The following PRDM7 variants were observed in gnomAD, a reference collection of about 807,000 sequenced individuals.
PRDM7 encodes the protein histone-lysine N-methyltransferase PRDM7.
PRDM7 carries 52 observed loss-of-function variants against 64.3 expected under a neutral mutation model. The ratio of observed to expected loss-of-function variants is 0.81; its 90% CI spans 0.65 to 1.02. The LOEUF (loss-of-function observed/expected upper bound fraction) is 1.02, where lower values mean the gene tolerates loss of function less well. Among genes scored for constraint, PRDM7 ranks in the 50% least tolerant of loss-of-function variants. The pLI is 0.00. For synonymous variants in PRDM7, 192 were observed against 210.1 expected, an observed-to-expected ratio of 0.91 and a Z score of 0.74; for missense variants, 574 against 597.1, an observed-to-expected ratio of 0.96 and a Z score of 0.40.
rs142279840 is a variant in PRDM7 at position 90,058,418 on chromosome 16, C to A, written c.1350G>T (p.Leu450=). 1,188 of 1,614,158 alleles carry A rather than the reference C, an allele frequency of 7.4e-4. 8 individuals carry two copies. The African/African-American group carries it at 0.013, about 18-fold the overall frequency. ...TTCTCTGGTTGGAGAAGTTTTCTTG[C>A]AGATGGTCCTGGGAAGTTCTGAGAG... ...ITPLRTSQDH[L]QENFSNQRIP... The change falls in exon 11 of 11, where the codon CTG becomes CTT. Residue 450 remains leucine (L), a synonymous_variant. Coordinates refer to ENST00000449207, the MANE Select transcript of PRDM7 (RefSeq NM_001098173.2).
chr16:90,066,231 G>T (rs1307430394), intron 5 of PRDM7, among the ~76,000 whole-genome samples: 1 of 151,242 alleles, frequency 6.6e-6, no homozygotes, highest in Non-Finnish European at 1.5e-5. Context: ...ATCAGAATGG[G>T]TCCCTTATGA....
At chr16:90,064,950 C>T (rs777535199) in intron 5 of PRDM7, among the ~76,000 whole-genome samples, 1 of 150,794 alleles carries the variant, frequency 6.6e-6, no homozygotes, top group Non-Finnish European at 1.5e-5. Context: ...AACTCCTGAC[C>T]TCAGGTAATC....
intron 6 of PRDM7, among the ~76,000 whole-genome samples, chr16:90,063,197 G>C (rs907107548): frequency 1.3e-5 from 2 of 152,172 alleles, no homozygotes; most frequent in African/African-American, 4.8e-5. Flanking sequence ...TGTAATCCCA[G>C]CATTTTGGGA....
At chr16:90,066,986 A>C in intron 4 of PRDM7, 76 bp from the exon 5 acceptor site, 1 of 1,282,912 alleles carries the variant, frequency 7.8e-7, no homozygotes, top group South Asian at 1.2e-5. Flanking sequence ...TCTTTTTGAT[A>C]TGGAGTCTCC....
At chr16:90,064,319 C>G (rs1488291016) in intron 5 of PRDM7, among the ~76,000 whole-genome samples, 2 of 152,190 alleles carry the variant, frequency 1.3e-5, no homozygotes, top group Non-Finnish European at 2.9e-5. Context: ...AGTTCCTGTA[C>G]CAATTCTACT....
chr16:90,061,928 G>C lies in PRDM7; in HGVS notation c.875C>G (p.Ser292Cys), dbSNP rs750645023. ...ACAGCAGGCTCTTCTTACTAGCCAG[G>C]AATATCCACTGTTGGCTGCCTCTTC... ...EDEEAANSGY[S>C]WLITKGRNCY... Residue 292 changes from serine to cysteine, a missense_variant, in exon 8 of 11, where the codon TCC (serine) becomes TGC (cysteine). Coordinates refer to ENST00000449207, the MANE Select transcript of PRDM7 (RefSeq NM_001098173.2). 1.9e-6 allele frequency: 3 copies of C among 1,614,270 alleles called. No homozygotes were observed. Among genetic ancestry groups the C allele is most frequent in the South Asian group, 1.1e-5 (1 of 91,090 alleles).
In PRDM7 at chr16:90,060,602, A is replaced by G. The variant is rs1347275066; in HGVS notation, c.972T>C (p.Asp324=). 6.2e-7 allele frequency: 1 copy of G among 1,614,112 alleles called. No individual in the cohort carries two copies. The highest frequency in any genetic ancestry group is 8.5e-7 in the Non-Finnish European group (1 of 1,179,988). ...NWMRYVNCAR[D]DEEQNLVAFQ... is the part of the protein sequence containing the mutation. ...AGGCCACCAGGTTCTGCTCTTCATC[A>G]TCCCGGGCACAGTTCACATACCTGG... Residue 324 remains aspartate, a synonymous_variant, in exon 10 of 11, where the codon GAT becomes GAC. Transcript: ENST00000449207.
intron 1 of PRDM7, 139 bp from the exon 2 acceptor site, chr16:90,076,134 T>A: frequency 1.7e-6 from 1 of 576,748 alleles, no homozygotes; most frequent in South Asian, 2.1e-5. Context: ...CCCAGGGAGG[T>A]CTGGGGGTAC....
At position 90,057,688 on chromosome 16, in the gene PRDM7, A is replaced by C. The variant is rs374622430; in HGVS notation, c.*601T>G. ...GTCATGAAAGTGGCGGATTTGTTTA[A>C]TTAGTTATTTCCGATCTCTTTACAC... On this transcript the variant is annotated 3_prime_UTR_variant, in exon 11 of 11. Transcript: ENST00000449207. 4.8e-5 allele frequency: 56 copies of C among 1,167,876 alleles called. No individual in the cohort carries two copies. In the East Asian group the frequency reaches 1.8e-3, roughly 37 times the overall value. The allele number at this position is 1,167,876 out of a possible 1,614,324, so 72.3% of individuals were successfully genotyped here.
intron 5 of PRDM7, among the ~76,000 whole-genome samples, chr16:90,064,488 A>G (rs1053793706): frequency 6.6e-6 from 1 of 152,122 alleles, no homozygotes; most frequent in Non-Finnish European, 1.5e-5. Context: ...ATTTCAGCTC[A>G]CTGCAGCCTT....
intron 9 of PRDM7, among the ~76,000 whole-genome samples, chr16:90,061,239 G>C (rs2037771127): frequency 6.6e-6 from 1 of 152,058 alleles, no homozygotes; most frequent in African/African-American, 2.4e-5. Flanking sequence ...ATTTTGTCTA[G>C]CATACATATT....
rs2037789752 is a variant in PRDM7, at chr16:90,062,115, C to T, written c.688G>A (p.Val230Met). The change falls in exon 8 of 11, where the codon GTG becomes ATG. Residue 230 changes from valine to methionine, a missense_variant. By Grantham distance (21) the Val-to-Met change is conservative. Transcript: ENST00000449207. ...GAACGGTTGGGATGCCCCTTGTCCA[C>T]TGCACTGTCCTTTACAAATGTAGGG... ...GPPTFVKDSA[V>M]DKGHPNRSAL... is the part of the protein sequence containing the mutation. The T allele has an allele frequency of 1.2e-6, 2 of 1,614,156 alleles. No homozygotes were observed. Among genetic ancestry groups the T allele is most frequent in the Admixed American group, 1.7e-5 (1 of 60,012 alleles).
chr16:90,068,171 C>T (rs1236751780), intron 4 of PRDM7, among the ~76,000 whole-genome samples: 2 of 150,174 alleles, frequency 1.3e-5, no homozygotes, highest in African/African-American at 5.0e-5. Flanking sequence ...CCCAGCTACT[C>T]GGGAGGCTGA....
chr16:90,075,764 G>T lies in PRDM7; in HGVS notation c.69+78C>A. The T allele has an allele frequency of 6.5e-7, 1 of 1,534,856 alleles. No individual in the cohort carries two copies. Among genetic ancestry groups the T allele is most frequent in the Admixed American group, 1.8e-5 (1 of 54,426 alleles). Reference sequence around the variant, plus strand: ...TGCACATTCAGACAGAGTCACCCAAGGGTACAGGCCAGGAGTCTGCAGCAC... The same window carrying T: ...TGCACATTCAGACAGAGTCACCCAATGGTACAGGCCAGGAGTCTGCAGCAC... On this transcript the variant is annotated intron_variant, in intron 2 of 10. Transcript: ENST00000449207. This position sits in a 1 kb window ranked among gnomAD's most constrained non-coding sequence, Gnocchi z 4.3.
chr16:90,066,030 T>G (rs908105183), intron 5 of PRDM7, among the ~76,000 whole-genome samples: 1 of 151,192 alleles, frequency 6.6e-6, no homozygotes, highest in Non-Finnish European at 1.5e-5. Context: ...AACATGACAG[T>G]TCCCTAATTG....
chr16:90,058,266 C>T lies in PRDM7; in HGVS notation c.*23G>A. 6.2e-7 allele frequency: 1 copy of T among 1,614,166 alleles called. No individual in the cohort carries two copies. Among genetic ancestry groups the T allele is most frequent in the Non-Finnish European group, 8.5e-7 (1 of 1,180,000 alleles). On this transcript the variant is annotated 3_prime_UTR_variant, in exon 11 of 11. Coordinates refer to ENST00000449207, the MANE Select transcript of PRDM7 (RefSeq NM_001098173.2). ...GTGGGCTAGAAAAGGCCCTTGAAAT[C>T]TCCCTCTGCCATGTCCTTTTATTCA...
chr16:90,057,992 C>G lies in PRDM7; in HGVS notation c.*297G>C, dbSNP rs545070169. 1 of 1,605,230 alleles carries G rather than the reference C, an allele frequency of 6.2e-7. No homozygotes were observed. The highest frequency in any genetic ancestry group is 8.5e-7 in the Non-Finnish European group (1 of 1,174,296). ...CTGGTGACTGAGGAGGTCTGACTTCCGGCTAAAGCCCTCCCACACTCTCTG... is the reference window on the plus strand; with the variant it reads ...CTGGTGACTGAGGAGGTCTGACTTCGGGCTAAAGCCCTCCCACACTCTCTG... On this transcript the variant is annotated 3_prime_UTR_variant, in exon 11 of 11. Transcript: ENST00000449207.
intron 9 of PRDM7, 103 bp from the exon 10 acceptor site, chr16:90,060,726 A>T: frequency 6.5e-7 from 1 of 1,531,652 alleles, no homozygotes; most frequent in African/African-American, 1.4e-5. Flanking sequence ...TGCTGTGCCT[A>T]ATCAGCCATT....
rs201771894 is a variant in PRDM7 at position 90,060,546 on chromosome 16, G to A, written c.1028C>T (p.Thr343Ile). Reference protein sequence around the residue: ...FQYHRQIFYRTCRVIRPGCEL... With the variant: ...FQYHRQIFYRICRVIRPGCEL... ...ACAGCCTGGCCTAATGACTCGGCAG[G>A]TTCTATAGAAGATCTGCCTGTGGTA... The change falls in exon 10 of 11, where the codon ACC becomes ATC. Residue 343 changes from threonine (T) to isoleucine (I), a missense_variant. Coordinates refer to ENST00000449207, the MANE Select transcript of PRDM7 (RefSeq NM_001098173.2). The A allele has an allele frequency of 6.2e-7, 1 of 1,613,928 alleles. No individual in the cohort carries two copies. The highest frequency in any genetic ancestry group is 1.7e-5 in the Admixed American group (1 of 59,988).
Sources: gnomAD v4.1 joint callset for allele counts (sites outside exome capture counted in the v4.1 genomes callset) on GRCh38, gnomAD v4.1.1 for gene constraint, Gnocchi (gnomAD v3.1) non-coding constraint, MANE v1.5 for transcripts, NCBI Gene and HGNC (gene_info 2026-07-23, HGNC 2026-07-21) for gene names.